The following FAM167A variants were observed in gnomAD, a reference collection of about 807,000 sequenced individuals.
FAM167A encodes the protein family with sequence similarity 167 member A.
A neutral mutation model predicts 14.9 loss-of-function variants in FAM167A; 23 were observed. That is an observed-to-expected ratio of 1.55 (90% CI 1.11 to 2.19). The LOEUF is 2.19. Ranked by LOEUF, FAM167A falls within the 30% of genes most tolerant of loss-of-function variation. The probability of loss-of-function intolerance (pLI) is 0.00; values close to 1 mark genes in which losing one functional copy is unlikely to be tolerated. For synonymous variants in FAM167A, 174 were observed against 117.7 expected (o/e 1.48, Z -3.10); for missense variants, 401 against 281.5 (o/e 1.42, Z -3.04).
At chr8:11,468,597 T>G (rs753129318), upstream of FAM167A, among the ~76,000 whole-genome samples, 5 of 111,034 alleles carry the variant, frequency 4.5e-5, no homozygotes, top group Non-Finnish European at 1.2e-4. Context: ...TGGCTGTTTC[T>G]GACCACAGCC....
At chr8:11,467,384 C>G (rs996423399), upstream of FAM167A, 2 of 152,604 alleles carry the variant, frequency 1.3e-5, no homozygotes, top group African/African-American at 4.8e-5. Flanking sequence ...GCTGCAAACC[C>G]TAAGGCACAG....
chr8:11,434,901 TG>T, intron 2 of FAM167A: 1 of 389,164 alleles, frequency 2.6e-6, no homozygotes, highest in South Asian at 1.9e-5. Flanking sequence ...GGAGAGAGAG[TG>T]GGAGAGATGT....
chr8:11,438,552 C>T (rs1193606471), intron 2 of FAM167A: 1 of 456,038 alleles, frequency 2.2e-6, no homozygotes, highest in South Asian at 1.6e-5. Flanking sequence ...ATGTCTTTCC[C>T]CTTGATTATA....
rs900115693 is a variant in FAM167A, at chr8:11,421,755, C to T, written c.*2618G>A. On this transcript the variant is annotated 3_prime_UTR_variant, in exon 3 of 3. Coordinates refer to ENST00000284486, the MANE Select transcript of FAM167A (RefSeq NM_053279.3). The stretch of plus-strand genomic sequence containing the variant: ...TGGAGAGTTTGCGTTTTACACCCAG[C>T]GATGCTTGGGGATGGCAGAGAGATG... The T allele has an allele frequency of 1.3e-5, 5 of 398,844 alleles. No individual in the cohort carries two copies. The highest frequency in any genetic ancestry group is 4.4e-5 in the Admixed American group (1 of 22,704). 24.7% of individuals were successfully genotyped at this position (398,844 alleles called of 1,614,324 possible). A position where few individuals can be genotyped will look rare whatever the true frequency, so the allele number is the denominator to read the frequency against.
chr8:11,475,606 A>T (rs918692474), intron 1 of FAM167A, among the ~76,000 whole-genome samples: 1 of 152,126 alleles, frequency 6.6e-6, no homozygotes, highest in Non-Finnish European at 1.5e-5. Context: ...TCTTGCCATC[A>T]GAAGAGCCAT....
intron 1 of FAM167A, among the ~76,000 whole-genome samples, chr8:11,452,767 T>G (rs2117116979): frequency 6.6e-6 from 1 of 151,976 alleles, no homozygotes; most frequent in East Asian, 1.9e-4. Context: ...GAAAAAAGGG[T>G]GCTTTATTTA....
intron 1 of FAM167A, among the ~76,000 whole-genome samples, chr8:11,461,770 A>C (rs1385264877): frequency 6.6e-6 from 1 of 152,218 alleles, no homozygotes; most frequent in Non-Finnish European, 1.5e-5. Flanking sequence ...CGCCAGCTCA[A>C]GGGGGGATTT....
chr8:11,430,475 C>T (rs545862008), intron 2 of FAM167A, among the ~76,000 whole-genome samples: 8 of 152,292 alleles, frequency 5.3e-5, no homozygotes, highest in East Asian at 3.9e-4. Context: ...TAAAATTATA[C>T]GTGATGATGG....
rs1189563327 is a variant in FAM167A at position 11,424,474 on chromosome 8, A to G, written c.544T>C (p.Cys182Arg). The change falls in exon 3 of 3, where the codon TGT becomes CGT. Residue 182 changes from cysteine (C) to arginine (R), a missense_variant. By Grantham distance (180) the Cys-to-Arg change is radical (BLOSUM62 -3). Coordinates refer to ENST00000284486, the MANE Select transcript of FAM167A (RefSeq NM_053279.3). ...AAGGAGGAGGCAAGAGGGGAGTCAC[A>G]GAAGAGGTCGGCCAGCTCATCCCGC... is the stretch of plus-strand genomic sequence containing the variant. Reference protein sequence around the residue: ...EERDELADLFCDSPLASSFSL... With the variant: ...EERDELADLFRDSPLASSFSL... The G allele has an allele frequency of 6.2e-7, 1 of 1,614,122 alleles. No individual in the cohort carries two copies. The highest frequency in any genetic ancestry group is 1.7e-5 in the Admixed American group (1 of 60,020).
At chr8:11,445,485 G>A in intron 1 of FAM167A, 1 of 985,802 alleles carries the variant, frequency 1.0e-6, no homozygotes, top group South Asian at 4.7e-5. Flanking sequence ...GGTGGCACCT[G>A]GGCTGGATGG....
chr8:11,429,265 G>T (rs1805405716), intron 2 of FAM167A, among the ~76,000 whole-genome samples: 1 of 152,192 alleles, frequency 6.6e-6, no homozygotes, highest in African/African-American at 2.4e-5. Context: ...TCTGGTTTCT[G>T]ATGGCTAAGA....
intron 2 of FAM167A, 83 bp from the exon 3 acceptor site, chr8:11,424,719 C>T (rs538682492): frequency 1.3e-6 from 2 of 1,538,130 alleles, no homozygotes; most frequent in African/African-American, 1.4e-5. Flanking sequence ...AGGGCCCTGA[C>T]TAATGTCTTA....
intron 2 of FAM167A, among the ~76,000 whole-genome samples, chr8:11,439,779 A>G (rs996754962): frequency 6.6e-6 from 1 of 152,158 alleles, no homozygotes; most frequent in African/African-American, 2.4e-5. Context: ...GGAAGACTTT[A>G]TTGCCCCTTT....
chr8:11,454,988 C>T (rs866761322), intron 1 of FAM167A, among the ~76,000 whole-genome samples: 1 of 152,230 alleles, frequency 6.6e-6, no homozygotes, highest in Non-Finnish European at 1.5e-5. Flanking sequence ...CCCTGGCGCT[C>T]ATCTCTTGCC....
chr8:11,445,250 A>C (rs1189638740), intron 1 of FAM167A: 1 of 985,412 alleles, frequency 1.0e-6, no homozygotes, highest in East Asian at 1.1e-4. Flanking sequence ...CCCCAGAGCC[A>C]GCCAGCAGGG....
intron 1 of FAM167A, among the ~76,000 whole-genome samples, chr8:11,472,952 C>A (rs531673102): frequency 6.6e-6 from 1 of 152,242 alleles, no homozygotes; most frequent in South Asian, 2.1e-4. Context: ...TCAAGGCCAG[C>A]AAGATAAAAG....
At chr8:11,446,501 C>G (rs1378752183) in intron 1 of FAM167A, 2 of 152,160 alleles carry the variant, frequency 1.3e-5, no homozygotes, top group Non-Finnish European at 2.9e-5. Context: ...TTCAGCTCCC[C>G]CGATGATCCG....
intron 1 of FAM167A, among the ~76,000 whole-genome samples, chr8:11,456,363 T>TGA (rs2117132095): frequency 7.0e-6 from 1 of 142,978 alleles, no homozygotes; most frequent in Admixed American, 7.0e-5. Context: ...GCTGGGTGTG[T>TGA]GTGTGGGGTG....
intron 1 of FAM167A, among the ~76,000 whole-genome samples, chr8:11,450,835 C>A (rs576535420): frequency 1.3e-5 from 2 of 152,194 alleles, no homozygotes; most frequent in African/African-American, 4.8e-5. Flanking sequence ...CCTGTCCCCA[C>A]GGATGCCACC....
Sources: gnomAD v4.1 joint callset for allele counts (sites outside exome capture counted in the v4.1 genomes callset) on GRCh38, gnomAD v4.1.1 for gene constraint, MANE v1.5 for transcripts, NCBI Gene and HGNC (gene_info 2026-07-23, HGNC 2026-07-21) for gene names.